The following LAMA2 variants were observed in gnomAD, a reference collection of about 807,000 sequenced individuals.
LAMA2 encodes the protein laminin subunit alpha 2.
Under a neutral mutation model 364.8 loss-of-function variants are expected in LAMA2, and 269 were observed. That is an observed-to-expected ratio of 0.74 (90% CI 0.67 to 0.82). LAMA2 has a LOEUF of 0.82. Ranked by LOEUF, LAMA2 falls within the 40% of genes least tolerant of loss-of-function variation. LAMA2 has a pLI of 0.00. For synonymous variants in LAMA2, 1,379 were observed against 1,370.6 expected (o/e 1.01, Z -0.14); for missense variants, 3,807 against 3,873.2 (o/e 0.98, Z 0.45).
intron 1 of LAMA2, among the ~76,000 whole-genome samples, chr6:128,907,783 G>C (rs1034018447): frequency 2.0e-4 from 30 of 152,250 alleles, no homozygotes; most frequent in African/African-American, 7.2e-4. Flanking sequence ...GTCATAGATA[G>C]CTCTTATTAT....
intron 1 of LAMA2, among the ~76,000 whole-genome samples, chr6:129,007,285 G>A (rs780209927): frequency 1.3e-5 from 2 of 152,110 alleles, no homozygotes; most frequent in Non-Finnish European, 2.9e-5. Context: ...GCACCTCTTG[G>A]CAGCACTGCT....
At chr6:129,190,136 A>C in intron 10 of LAMA2, 69 bp from the exon 11 acceptor site, 1 of 1,462,748 alleles carries the variant, frequency 6.8e-7, no homozygotes, top group Non-Finnish European at 9.6e-7. Context: ...TATTTTCCTT[A>C]TACAGACATG....
intron 23 of LAMA2, among the ~76,000 whole-genome samples, chr6:129,314,398 C>CAAAAAAAAAAAAAAAAAAAAAAAAAA (rs3062342): frequency 3.1e-4 from 25 of 81,866 alleles, no homozygotes; most frequent in African/African-American, 9.9e-4. Flanking sequence ...GACTCCGTCT[C>CAAAAAAAAAAAAAAAAAAAAAAAAAA]AAAAAAAAAA....
chr6:129,280,078 A>G lies in LAMA2; in HGVS notation c.2468A>G (p.His823Arg), dbSNP rs1788616204. ...IPSNNFSPTC[H>R]LDRSLGLICD... is the part of the protein sequence containing the mutation. The stretch of plus-strand genomic sequence containing the variant: ...CAACATAGCTTTAGCCCAACGTGCC[A>G]TTTAGACCGGAGTCTTGGATTGATC... Residue 823 changes from histidine (H) to arginine (R), a missense_variant, in exon 18 of 65, where the codon CAT becomes CGT. His to Arg is a conservative substitution (Grantham distance 29). This residue lies in a region of LAMA2 where 3,333 missense variants were observed against 3,345.7 expected (regional missense o/e 1.00). Coordinates refer to ENST00000421865, the MANE Select transcript of LAMA2 (RefSeq NM_000426.4). 3 of 1,613,126 alleles carry G rather than the reference A, an allele frequency of 1.9e-6. No individual in the cohort carries two copies. The highest frequency in any genetic ancestry group is 3.3e-5 in the Admixed American group (2 of 59,886).
At chr6:129,268,600 A>C (rs997436016) in intron 16 of LAMA2, among the ~76,000 whole-genome samples, 2 of 152,080 alleles carry the variant, frequency 1.3e-5, no homozygotes, top group African/African-American at 4.8e-5. Context: ...TAAAACTAGA[A>C]GCCTTTTTTA....
intron 1 of LAMA2, among the ~76,000 whole-genome samples, chr6:128,898,997 A>T (rs888772132): frequency 1.3e-5 from 2 of 152,036 alleles, no homozygotes; most frequent in Non-Finnish European, 2.9e-5. Context: ...TTTCCAGAGG[A>T]CCACTTTAAA....
intron 58 of LAMA2, among the ~76,000 whole-genome samples, chr6:129,498,197 A>AAAAC (rs1253083366): frequency 1.3e-5 from 2 of 152,216 alleles, no homozygotes; most frequent in Admixed American, 1.3e-4. Flanking sequence ...TTAAAATGTG[A>AAAAC]AAACTAAGAA....
intron 55 of LAMA2, among the ~76,000 whole-genome samples, chr6:129,485,329 A>T (rs1049010461): frequency 3.9e-5 from 6 of 152,214 alleles, no homozygotes; most frequent in Non-Finnish European, 7.3e-5. Context: ...CTATTAAAAC[A>T]ATTACAATAA....
Position 129,402,450 on chromosome 6 carries a change from G to A in LAMA2, c.5689G>A (p.Ala1897Thr), listed in dbSNP as rs200518204. Residue 1897 changes from alanine to threonine, a missense_variant, in exon 39 of 65, where the codon GCA (alanine) becomes ACA (threonine). Physicochemically the swap from Ala to Thr is moderately conservative, Grantham distance 58. This residue lies in a region of LAMA2 where 3,333 missense variants were observed against 3,345.7 expected (regional missense o/e 1.00). Coordinates refer to ENST00000421865, the MANE Select transcript of LAMA2 (RefSeq NM_000426.4). ...GAAGGTGTCCCAGGCTGAGAGCCAC[G>A]CAGCTCAGTTGAATGACTCATCTGC... The part of the protein sequence containing the change: ...AEKVSQAESH[A>T]AQLNDSSAVL... The A allele has an allele frequency of 1.3e-4, 217 of 1,614,096 alleles. No homozygotes were observed. Among genetic ancestry groups the A allele is most frequent in the Middle Eastern group, 3.3e-4 (2 of 6,060 alleles).
intron 30 of LAMA2, among the ~76,000 whole-genome samples, chr6:129,347,848 G>GA (rs1776637752): frequency 6.6e-6 from 1 of 152,144 alleles, no homozygotes; most frequent in African/African-American, 2.4e-5. Flanking sequence ...ATCATAATTT[G>GA]AAAAAAATTG....
At chr6:128,988,657 T>C (rs2114654860) in intron 1 of LAMA2, among the ~76,000 whole-genome samples, 1 of 152,334 alleles carries the variant, frequency 6.6e-6, no homozygotes, top group South Asian at 2.1e-4. Context: ...AATTCTTAGC[T>C]TTTTTAACTT....
chr6:128,933,345 C>T lies in LAMA2; in HGVS notation c.112+49988C>T, dbSNP rs188244175. On this transcript the variant is annotated intron_variant, in intron 1 of 64. Transcript: ENST00000421865. ...ATGGATACTTAGGCCATTTATTTAT[C>T]TTGACTGTTGTGAATGATGCTGCTA... Among the ~76,000 whole-genome samples the T allele has an allele frequency of 3.3e-5, 5 of 151,856 alleles. No homozygotes were observed. The East Asian group carries it at 7.8e-4, about 24-fold the overall frequency.
intron 51 of LAMA2, among the ~76,000 whole-genome samples, chr6:129,466,151 C>T (rs1035801380): frequency 6.6e-6 from 1 of 151,872 alleles, no homozygotes; most frequent in Non-Finnish European, 1.5e-5. Flanking sequence ...CTTCTAAGTA[C>T]CATGTAAGAA....
At chr6:128,995,470 T>C (rs891837371) in intron 1 of LAMA2, among the ~76,000 whole-genome samples, 4 of 152,146 alleles carry the variant, frequency 2.6e-5, no homozygotes, top group African/African-American at 7.2e-5. Flanking sequence ...TACAGGTGCC[T>C]GCCACCACGC....
At chr6:129,483,067 G>T (rs35893565) in intron 55 of LAMA2, among the ~76,000 whole-genome samples, 4 of 102,860 alleles carry the variant, frequency 3.9e-5, no homozygotes, top group East Asian at 2.9e-4. Flanking sequence ...ACTCCGACTC[G>T]AAAAAAAAAA....
At chr6:129,139,268 G>A (rs1441470705) in intron 4 of LAMA2, among the ~76,000 whole-genome samples, 1 of 151,920 alleles carries the variant, frequency 6.6e-6, no homozygotes, top group Admixed American at 6.6e-5. Context: ...AGCTCACCTC[G>A]CTTCTTCAAA....
chr6:128,951,435 G>A (rs1052803187), intron 1 of LAMA2, among the ~76,000 whole-genome samples: 1 of 151,968 alleles, frequency 6.6e-6, no homozygotes, highest in South Asian at 2.1e-4. Flanking sequence ...TTGGAGCATG[G>A]GGACCCCCTT....
chr6:129,402,224 A>T (rs1356847744), intron 38 of LAMA2, 100 bp from the exon 39 acceptor site: 3 of 936,566 alleles, frequency 3.2e-6, no homozygotes, highest in South Asian at 3.1e-5. Flanking sequence ...AAAAAAAAAA[A>T]AAACTAAACT....
chr6:129,112,702 AG>A (rs2114903352), intron 4 of LAMA2, among the ~76,000 whole-genome samples: 1 of 151,846 alleles, frequency 6.6e-6, no homozygotes, highest in Non-Finnish European at 1.5e-5. Flanking sequence ...AGCACAGAAA[AG>A]TCTGGTTACA....
Sources: gnomAD v4.1 joint callset for allele counts (sites outside exome capture counted in the v4.1 genomes callset) on GRCh38, gnomAD v4.1.1 for gene constraint, gnomAD v4.1.1 regional missense constraint, MANE v1.5 for transcripts, NCBI Gene and HGNC (gene_info 2026-07-23, HGNC 2026-07-21) for gene names.